TRIM42: variants seen among roughly 807,000 people sequenced by gnomAD.
The protein encoded by TRIM42 is tripartite motif-containing protein 42.
Under a neutral mutation model 64.9 loss-of-function variants are expected in TRIM42, and 59 were observed. That is an observed-to-expected ratio of 0.91 (90% CI 0.74 to 1.13). The LOEUF is 1.13. TRIM42 is among the 50% of genes most tolerant of loss of function. TRIM42 has a pLI of 0.00. For synonymous variants in TRIM42, 354 were observed against 346.3 expected, an observed-to-expected ratio of 1.02 and a Z score of -0.25; for missense variants, 878 against 929.5, an observed-to-expected ratio of 0.94 and a Z score of 0.72.
At position 140,688,068 on chromosome 3, in the gene TRIM42, G is replaced by C. The variant is rs754378813; in HGVS notation, c.1386G>C (p.Arg462Ser). 3 of 1,614,134 alleles carry C rather than the reference G, an allele frequency of 1.9e-6. No individual in the cohort carries two copies. In the South Asian group the frequency reaches 3.3e-5, roughly 18 times the overall value. The change falls in exon 3 of 5, where the codon AGG (arginine) becomes AGC (serine). Residue 462 changes from arginine to serine, a missense_variant. Physicochemically the swap from Arg to Ser is moderately radical, Grantham distance 110. Transcript: ENST00000286349. ...AGGACGGCATCCAGACCACCTACAG[G>C]CCTGACCCACAGCTCCGGCTGCACT... ...QIEDGIQTTY[R>S]PDPQLRLHSI...
chr3:140,678,741 G>A (rs138904786), intron 1 of TRIM42, among the ~76,000 whole-genome samples, 171 bp downstream of exon 1: 1 of 152,340 alleles, frequency 6.6e-6, no homozygotes, highest in Non-Finnish European at 1.5e-5. Context: ...TGGTCACTAT[G>A]TATGTAGACC....
intron 1 of TRIM42, among the ~76,000 whole-genome samples, chr3:140,679,121 A>G (rs1242577776): frequency 6.6e-6 from 1 of 152,106 alleles, no homozygotes; most frequent in East Asian, 1.9e-4. Context: ...GTGATATAAA[A>G]ATATAAATTG....
intron 1 of TRIM42, among the ~76,000 whole-genome samples, chr3:140,680,510 C>T (rs1988350488): frequency 6.6e-6 from 1 of 152,126 alleles, no homozygotes; most frequent in Admixed American, 6.5e-5. Flanking sequence ...TGTGAAAATG[C>T]TAGTTCATGA....
At chr3:140,680,781 A>T in intron 1 of TRIM42, 2 of 818,982 alleles carry the variant, frequency 2.4e-6, no homozygotes, top group South Asian at 1.1e-4. Context: ...CAGGTGCCTT[A>T]ATATACACAG....
intron 4 of TRIM42, among the ~76,000 whole-genome samples, chr3:140,692,729 G>T (rs1469949968): frequency 2.0e-5 from 3 of 152,144 alleles, no homozygotes; most frequent in African/African-American, 7.2e-5. Flanking sequence ...TCAGAGCATG[G>T]AATGCCCGTG....
At chr3:140,691,315 A>G in intron 4 of TRIM42, 123 bp downstream of exon 4, 1 of 843,892 alleles carries the variant, frequency 1.2e-6, no homozygotes, top group Non-Finnish European at 1.9e-6. Flanking sequence ...AGCACAGAAC[A>G]TTTGTTAACT....
chr3:140,685,109 C>G (rs113704025), intron 2 of TRIM42, among the ~76,000 whole-genome samples: 1 of 152,184 alleles, frequency 6.6e-6, no homozygotes, highest in African/African-American at 2.4e-5. Context: ...AACAGACACA[C>G]AAAAATTTTT....
chr3:140,697,526 A>G (rs964033013), intron 4 of TRIM42, among the ~76,000 whole-genome samples: 2 of 152,170 alleles, frequency 1.3e-5, no homozygotes, highest in African/African-American at 4.8e-5. Flanking sequence ...TATGTATCAA[A>G]TGTATGTATG....
chr3:140,689,303 A>G (rs1420765138), intron 3 of TRIM42, among the ~76,000 whole-genome samples: 1 of 152,238 alleles, frequency 6.6e-6, no homozygotes, highest in African/African-American at 2.4e-5. Flanking sequence ...TAAATATTCT[A>G]TTAGAGTGCC....
chr3:140,684,086 G>T (rs2107758301), intron 2 of TRIM42, among the ~76,000 whole-genome samples: 1 of 152,212 alleles, frequency 6.6e-6, no homozygotes. Flanking sequence ...CCCAGGAATA[G>T]TTCTTTGTAT....
At chr3:140,688,795 C>G (rs1227050750) in intron 3 of TRIM42, among the ~76,000 whole-genome samples, 1 of 152,190 alleles carries the variant, frequency 6.6e-6, no homozygotes, top group African/African-American at 2.4e-5. Flanking sequence ...AAAGCCCTAC[C>G]TCCACTGCAA....
At position 140,683,307 on chromosome 3, in the gene TRIM42, A is replaced by C. The variant is rs1053898741; in HGVS notation, c.1039+148A>C. The C allele has an allele frequency of 3.5e-6, 3 of 853,336 alleles. No homozygotes were observed. The African/African-American group carries it at 5.1e-5, about 15-fold the overall frequency. The allele number at this position is 853,336 out of a possible 1,614,324, so 52.9% of individuals were successfully genotyped here. A position where few individuals can be genotyped will look rare whatever the true frequency, so the allele number is the denominator to read the frequency against. On this transcript the variant is annotated intron_variant, in intron 2 of 4. Coordinates refer to ENST00000286349, the MANE Select transcript of TRIM42 (RefSeq NM_152616.5). Reference sequence around the variant, plus strand: ...CCAGGAAACACTGTGCTACCCTGCAAGTCACTATCCTGGTGTCCGCTCCTG... The same window carrying C: ...CCAGGAAACACTGTGCTACCCTGCACGTCACTATCCTGGTGTCCGCTCCTG...
intron 1 of TRIM42, among the ~76,000 whole-genome samples, chr3:140,679,055 C>CCG (rs1472131726): frequency 7.0e-5 from 4 of 57,002 alleles, no homozygotes; most frequent in Non-Finnish European, 4.7e-5. Context: ...GGAGACAATA[C>CCG]CCCCCCCATG....
At chr3:140,698,425 CTA>C (rs1370777846) in intron 4 of TRIM42, among the ~76,000 whole-genome samples, 1 of 152,104 alleles carries the variant, frequency 6.6e-6, no homozygotes, top group Non-Finnish European at 1.5e-5. Flanking sequence ...ATTTAGAGAT[CTA>C]ACGTACAGCA....
At position 140,678,150 on chromosome 3, in the gene TRIM42, C is replaced by T. The variant is rs1204550633; in HGVS notation, c.-80C>T. The T allele has an allele frequency of 2.3e-6, 3 of 1,323,816 alleles. No individual in the cohort carries two copies. The highest frequency in any genetic ancestry group is 2.9e-5 in the African/African-American group (2 of 68,998). The allele number at this position is 1,323,816 out of a possible 1,614,324, so 82.0% of individuals were successfully genotyped here. The stretch of plus-strand genomic sequence containing the variant: ...CTCAGGAATGGGAGGAAGGACTCCT[C>T]CACTGGAGAACTGATAGCAGTATTC... On this transcript the variant is annotated 5_prime_UTR_variant, in exon 1 of 5. Coordinates refer to ENST00000286349, the MANE Select transcript of TRIM42 (RefSeq NM_152616.5).
At chr3:140,698,231 C>A (rs1376472222) in intron 4 of TRIM42, among the ~76,000 whole-genome samples, 2 of 152,082 alleles carry the variant, frequency 1.3e-5, no homozygotes, top group Non-Finnish European at 2.9e-5. Context: ...TTTGGAGTAA[C>A]TTGAATTCTT....
chr3:140,680,368 C>G (rs1988345474), intron 1 of TRIM42, among the ~76,000 whole-genome samples: 1 of 152,088 alleles, frequency 6.6e-6, no homozygotes, highest in South Asian at 2.1e-4. Flanking sequence ...TCATCCCTCT[C>G]CATCTTAATC....
intron 1 of TRIM42, among the ~76,000 whole-genome samples, chr3:140,679,669 A>T (rs1015409122): frequency 6.6e-6 from 1 of 152,196 alleles, no homozygotes. Context: ...CAAGTCTAGA[A>T]ATCCTAAAAC....
chr3:140,694,057 T>G (rs1988788967), intron 4 of TRIM42, among the ~76,000 whole-genome samples: 1 of 152,194 alleles, frequency 6.6e-6, no homozygotes, highest in African/African-American at 2.4e-5. Flanking sequence ...CACCTTGGTC[T>G]GTATCCAAGC....
Sources: gnomAD v4.1 joint callset for allele counts (sites outside exome capture counted in the v4.1 genomes callset) on GRCh38, gnomAD v4.1.1 for gene constraint, MANE v1.5 for transcripts, NCBI Gene and HGNC (gene_info 2026-07-23, HGNC 2026-07-21) for gene names.